Variants in C1orf105 observed in about 807,000 individuals in gnomAD.
The protein encoded by C1orf105 is uncharacterized protein C1orf105.
Under a neutral mutation model 20.8 loss-of-function variants are expected in C1orf105, and 17 were observed. The ratio of observed to expected loss-of-function variants is 0.82; its 90% confidence interval spans 0.56 to 1.23. C1orf105 has a LOEUF of 1.23. Ranked by LOEUF, C1orf105 falls within the 50% of genes most tolerant of loss-of-function variation. The pLI is 0.00. For synonymous variants in C1orf105, 72 were observed against 72.1 expected (o/e 1.00, Z 0.01); for missense variants, 219 against 213.5 (o/e 1.03, Z -0.16).
intron 1 of C1orf105, chr1:172,442,968 C>A: frequency 4.8e-6 from 1 of 209,966 alleles, no homozygotes; most frequent in Non-Finnish European, 1.1e-5. Flanking sequence ...ATTAAAACTG[C>A]ATTTCAGATT....
chr1:172,462,493 A>G (rs1244799255), intron 5 of C1orf105, among the ~76,000 whole-genome samples: 2 of 152,234 alleles, frequency 1.3e-5, no homozygotes, highest in Non-Finnish European at 1.5e-5. Flanking sequence ...CAAGAACAAT[A>G]TAAGAAACAG....
At chr1:172,454,771 T>G (rs945334696) in intron 3 of C1orf105, among the ~76,000 whole-genome samples, 5 of 152,230 alleles carry the variant, frequency 3.3e-5, no homozygotes, top group African/African-American at 1.2e-4. Context: ...AATGACCCCT[T>G]TCAGCTTCAC....
intron 1 of C1orf105, among the ~76,000 whole-genome samples, chr1:172,435,786 G>A (rs1333823814): frequency 1.3e-5 from 2 of 152,140 alleles, no homozygotes; most frequent in African/African-American, 4.8e-5. Flanking sequence ...TATTCAATTA[G>A]GAAAAGAGGA....
intron 1 of C1orf105, chr1:172,441,541 T>C: frequency 2.2e-6 from 1 of 459,974 alleles, no homozygotes; most frequent in Middle Eastern, 5.7e-4. Flanking sequence ...AGTTTTTTCA[T>C]CTACAAAATA....
At chr1:172,434,086 G>A (rs1462482909) in intron 1 of C1orf105, among the ~76,000 whole-genome samples, 5 of 152,158 alleles carry the variant, frequency 3.3e-5, no homozygotes, top group Non-Finnish European at 5.9e-5. Flanking sequence ...CAATAAAGGA[G>A]CACCCAGATT....
intron 1 of C1orf105, chr1:172,441,811 C>A: frequency 6.2e-7 from 1 of 1,611,828 alleles, no homozygotes; most frequent in South Asian, 1.1e-5. Flanking sequence ...AAGCTGCAAG[C>A]GAATGAGGTA....
intron 1 of C1orf105, among the ~76,000 whole-genome samples, chr1:172,433,228 A>T (rs537318136): frequency 2.0e-5 from 3 of 152,342 alleles, no homozygotes; most frequent in African/African-American, 7.2e-5. Context: ...GCAGGCCAAC[A>T]TTCAAATTCA....
intron 1 of C1orf105, chr1:172,428,930 A>G: frequency 1.7e-6 from 1 of 600,322 alleles, no homozygotes; most frequent in Non-Finnish European, 2.9e-6. Flanking sequence ...TTATGTAGAT[A>G]CTAAATATTT....
At chr1:172,458,828 A>T (rs1649494795) in intron 4 of C1orf105, among the ~76,000 whole-genome samples, 1 of 152,226 alleles carries the variant, frequency 6.6e-6, no homozygotes, top group Non-Finnish European at 1.5e-5. Flanking sequence ...ACTGTGTGGT[A>T]CTGCCATAAA....
At chr1:172,437,713 C>T (rs762839945) in intron 1 of C1orf105, among the ~76,000 whole-genome samples, 13 of 143,484 alleles carry the variant, frequency 9.1e-5, no homozygotes, top group Non-Finnish European at 1.7e-4. Flanking sequence ...TGCACATGTA[C>T]CCTAGAACTT....
intron 4 of C1orf105, among the ~76,000 whole-genome samples, chr1:172,457,125 T>A (rs185966517): frequency 6.6e-6 from 1 of 152,238 alleles, no homozygotes; most frequent in African/African-American, 2.4e-5. Flanking sequence ...GAGGCCTGAT[T>A]CAGGAAGGAT....
At chr1:172,462,595 C>G (rs1649776091) in intron 5 of C1orf105, among the ~76,000 whole-genome samples, 1 of 152,178 alleles carries the variant, frequency 6.6e-6, no homozygotes, top group Non-Finnish European at 1.5e-5. Flanking sequence ...GGGGATTACA[C>G]ATAATCTTTC....
chr1:172,427,959 A>C (rs568347324), intron 1 of C1orf105, among the ~76,000 whole-genome samples: 2 of 152,286 alleles, frequency 1.3e-5, no homozygotes, highest in South Asian at 4.1e-4. Flanking sequence ...TCAACATTTC[A>C]GGCTGAATGT....
At chr1:172,437,058 G>A (rs991451641) in intron 1 of C1orf105, among the ~76,000 whole-genome samples, 5 of 152,172 alleles carry the variant, frequency 3.3e-5, no homozygotes, top group Non-Finnish European at 7.3e-5. Context: ...ACACCAGTTA[G>A]AATGGCAATC....
At chr1:172,441,836 A>ATTC in intron 1 of C1orf105, 1 of 1,614,012 alleles carries the variant, frequency 6.2e-7, no homozygotes, top group Non-Finnish European at 8.5e-7. Context: ...GGACACAGAC[A>ATTC]TGAGATAGAC....
chr1:172,432,158 C>T (rs757213903), intron 1 of C1orf105, among the ~76,000 whole-genome samples: 5 of 152,246 alleles, frequency 3.3e-5, no homozygotes, highest in Admixed American at 2.0e-4. Context: ...CCTCTGTAGG[C>T]AGGACATAGC....
chr1:172,442,301 C>T, intron 1 of C1orf105: 4 of 1,613,640 alleles, frequency 2.5e-6, no homozygotes, highest in Non-Finnish European at 3.4e-6. Flanking sequence ...TTCTTCCGCC[C>T]TTCACCTCCA....
intron 1 of C1orf105, among the ~76,000 whole-genome samples, chr1:172,436,361 GC>G (rs1219772604): frequency 6.6e-6 from 1 of 152,098 alleles, no homozygotes; most frequent in Non-Finnish European, 1.5e-5. Context: ...GCTACAGTAA[GC>G]AAAACAGCAT....
chr1:172,424,502 T>C (rs940117194), intron 1 of C1orf105, among the ~76,000 whole-genome samples: 3 of 152,220 alleles, frequency 2.0e-5, no homozygotes, highest in Non-Finnish European at 4.4e-5. Context: ...GAGATTCTCA[T>C]GCCTCAGCCT....
Sources: gnomAD v4.1 joint callset for allele counts (sites outside exome capture counted in the v4.1 genomes callset) on GRCh38, gnomAD v4.1.1 for gene constraint, MANE v1.5 for transcripts, NCBI Gene and HGNC (gene_info 2026-07-23, HGNC 2026-07-21) for gene names.